Variants in SPATA33 observed in about 807,000 individuals in gnomAD.
SPATA33 encodes the protein spermatogenesis-associated protein 33.
Under a neutral mutation model 8.9 loss-of-function variants are expected in SPATA33, and 10 were observed. The observed-to-expected ratio is 1.12, with a 90% confidence interval of 0.69 to 1.90. The LOEUF (loss-of-function observed/expected upper bound fraction) is 1.90, where lower values mean the gene tolerates loss of function less well. SPATA33 is among the 40% of genes most tolerant of loss of function. The pLI, the probability that SPATA33 is intolerant of heterozygous loss-of-function variation, is 0.00. For missense variants in SPATA33, 241 were observed against 178.3 expected, an observed-to-expected ratio of 1.35 and a Z score of -2.00; for synonymous variants, 96 against 72.8, an observed-to-expected ratio of 1.32 and a Z score of -1.63.
At chr16:89,664,861 C>T (rs1490454379) in intron 2 of SPATA33, among the ~76,000 whole-genome samples, 6 of 152,204 alleles carry the variant, frequency 3.9e-5, no homozygotes, top group South Asian at 2.1e-4. Flanking sequence ...GTCCCAGCCA[C>T]GCTGCACCTG....
chr16:89,668,777 G>A (rs186313048), intron 2 of SPATA33, among the ~76,000 whole-genome samples: 1 of 152,238 alleles, frequency 6.6e-6, no homozygotes, highest in African/African-American at 2.4e-5. Flanking sequence ...ACGTGGCAAC[G>A]CTCGGCAGGC....
At chr16:89,665,182 A>C (rs995047288) in intron 2 of SPATA33, among the ~76,000 whole-genome samples, 1 of 152,074 alleles carries the variant, frequency 6.6e-6, no homozygotes. Context: ...TTTTGTAGAG[A>C]TGCGGTTTTG....
intron 2 of SPATA33, among the ~76,000 whole-genome samples, chr16:89,666,868 A>G (rs943315696): frequency 3.3e-5 from 5 of 152,242 alleles, no homozygotes; most frequent in Admixed American, 6.5e-5. Flanking sequence ...TTATTTCAGC[A>G]TATCAGAGAC....
intron 2 of SPATA33, among the ~76,000 whole-genome samples, chr16:89,668,875 A>T (rs545924156): frequency 3.2e-4 from 48 of 152,328 alleles, no homozygotes; most frequent in African/African-American, 1.1e-3. Flanking sequence ...CATTTCTAGA[A>T]CATTCTAATG....
chr16:89,666,823 CAGAG>C (rs970351440), intron 2 of SPATA33, among the ~76,000 whole-genome samples: 30 of 152,076 alleles, frequency 2.0e-4, no homozygotes, highest in African/African-American at 7.0e-4. Context: ...GCAGCCAAGG[CAGAG>C]AGAGAGGAGA....
chr16:89,666,730 G>A (rs1159099684), intron 2 of SPATA33, among the ~76,000 whole-genome samples: 1 of 152,204 alleles, frequency 6.6e-6, no homozygotes, highest in Non-Finnish European at 1.5e-5. Flanking sequence ...AAAGGGGCAG[G>A]GTTAGGAGTG....
At chr16:89,664,760 A>G (rs2060003880) in intron 2 of SPATA33, among the ~76,000 whole-genome samples, 1 of 152,202 alleles carries the variant, frequency 6.6e-6, no homozygotes, top group East Asian at 1.9e-4. Flanking sequence ...AACCGGGAAT[A>G]AATTCTGCCT....
Position 89,669,374 on chromosome 16 carries a change from C to A in SPATA33, c.300C>A (p.Val100=). ...CGCGAGCGTCGAATGAGACGCTAGT[C>A]AGTTGCAGTTCCAGCGGGAGTGACC... ...IITRASNETL[V]SCSSSGSDQQ... The change falls in exon 3 of 3, where the codon GTC becomes GTA. Residue 100 remains valine (V), a synonymous_variant. Transcript: ENST00000579310. 2 of 1,614,178 alleles carry A rather than the reference C, an allele frequency of 1.2e-6. No homozygotes were observed. Among genetic ancestry groups the A allele is most frequent in the Non-Finnish European group, 8.5e-7 (1 of 1,180,036 alleles).
chr16:89,659,104 G>C (rs1309765268), intron 2 of SPATA33: 1 of 152,398 alleles, frequency 6.6e-6, no homozygotes, highest in African/African-American at 2.4e-5. Context: ...TTCAAGACCA[G>C]CTTGGGCAAC....
At chr16:89,667,884 C>G (rs1274832967) in intron 2 of SPATA33, 1 of 152,326 alleles carries the variant, frequency 6.6e-6, no homozygotes, top group Non-Finnish European at 1.5e-5. Context: ...CCCTGTTTGA[C>G]TAGCCTTGGG....
At chr16:89,657,802 A>G (rs1320285185), upstream of SPATA33, 18 of 1,485,358 alleles carry the variant, frequency 1.2e-5, no homozygotes, top group Admixed American at 2.5e-5. Context: ...CGCGGTCGCC[A>G]TGGTGACGCA....
intron 2 of SPATA33, chr16:89,661,377 A>G (rs537018801): frequency 9.2e-6 from 2 of 218,404 alleles, no homozygotes; most frequent in Admixed American, 6.5e-5. Context: ...AGTTTCCTGC[A>G]TAAGCTCTCT....
At chr16:89,669,116 C>G (rs2060064115) in intron 2 of SPATA33, among the ~76,000 whole-genome samples, 170 bp from the exon 3 acceptor site, 1 of 152,152 alleles carries the variant, frequency 6.6e-6, no homozygotes, top group South Asian at 2.1e-4. Flanking sequence ...GTTGCACATC[C>G]CTTAAGCCCT....
chr16:89,660,102 C>T, intron 2 of SPATA33: 1 of 163,970 alleles, frequency 6.1e-6, no homozygotes. Context: ...GTGGAGCTTC[C>T]AGGTTGGCTT....
intron 2 of SPATA33, chr16:89,659,672 T>G (rs2059937933): frequency 6.7e-6 from 1 of 149,372 alleles, no homozygotes; most frequent in Non-Finnish European, 1.5e-5. Context: ...GGCTACAGAG[T>G]GAGACTCTGT....
intron 2 of SPATA33, 117 bp from the exon 3 acceptor site, chr16:89,669,167 CAT>C (rs2060064739): frequency 1.1e-6 from 1 of 900,102 alleles, no homozygotes; most frequent in Non-Finnish European, 1.8e-6. Flanking sequence ...TGGACTCACC[CAT>C]TTTTTCTGCT....
intron 2 of SPATA33, among the ~76,000 whole-genome samples, chr16:89,663,149 G>A (rs1452526318): frequency 6.6e-6 from 1 of 151,756 alleles, no homozygotes; most frequent in Non-Finnish European, 1.5e-5. Flanking sequence ...TGAAAAAGAA[G>A]AGAAATGGAA....
chr16:89,659,265 C>G (rs1168821305), intron 2 of SPATA33: 1 of 152,302 alleles, frequency 6.6e-6, no homozygotes, highest in Non-Finnish European at 1.5e-5. Context: ...TGGGAGCCAG[C>G]AAGGCCTTGC....
chr16:89,667,948 A>T (rs2060048494), intron 2 of SPATA33: 1 of 152,274 alleles, frequency 6.6e-6, no homozygotes, highest in Non-Finnish European at 1.5e-5. Flanking sequence ...GGGTTGTCAG[A>T]GACCTATAGC....
Sources: gnomAD v4.1 joint callset for allele counts (sites outside exome capture counted in the v4.1 genomes callset) on GRCh38, gnomAD v4.1.1 for gene constraint, MANE v1.5 for transcripts, NCBI Gene and HGNC (gene_info 2026-07-23, HGNC 2026-07-21) for gene names.